Variants in AIG1 observed in about 807,000 individuals in gnomAD.
AIG1 encodes the protein androgen-induced gene 1 protein.
In AIG1, 23 loss-of-function variants were observed where a neutral mutation model predicts 31.4. The observed-to-expected ratio is 0.73, with a 90% confidence interval of 0.53 to 1.04. AIG1 has a LOEUF of 1.04. Among genes scored for constraint, AIG1 ranks in the 50% least tolerant of loss-of-function variants. The probability of loss-of-function intolerance (pLI) is 0.00; values close to 1 mark genes in which losing one functional copy is unlikely to be tolerated. For missense variants in AIG1, 274 were observed against 295.0 expected, an observed-to-expected ratio of 0.93 and a Z score of 0.52; for synonymous variants, 100 against 110.5, an observed-to-expected ratio of 0.90 and a Z score of 0.60.
Position 143,066,692 on chromosome 6 carries a change from G to C in AIG1, c.141+5626G>C, listed in dbSNP as rs7757364. On this transcript the variant is annotated intron_variant, in intron 1 of 5. Coordinates refer to ENST00000357847, the MANE Select transcript of AIG1 (RefSeq NM_016108.4). ...GATATGTTTCAGATACGAGAGATGG[G>C]TTAGTTATTGCTATTGAGAAACAAA... 2.8e-3 allele frequency among the ~76,000 whole-genome samples: 430 copies of C among 152,266 alleles called. 1 individual carries two copies. Among genetic ancestry groups the C allele is most frequent in the African/African-American group, 0.01 (418 of 41,550 alleles).
intron 3 of AIG1, among the ~76,000 whole-genome samples, chr6:143,204,459 G>A (rs184159971): frequency 6.6e-6 from 1 of 152,180 alleles, no homozygotes; most frequent in African/African-American, 2.4e-5. Flanking sequence ...GCCTCTTAGG[G>A]TAGTCTGACT....
At position 143,237,034 on chromosome 6, in the gene AIG1, A is replaced by T. The variant is rs113113893; in HGVS notation, c.400-47076A>T. 6.4e-3 allele frequency among the ~76,000 whole-genome samples: 978 copies of T among 152,322 alleles called. 12 individuals carry two copies. Among genetic ancestry groups the T allele is most frequent in the Non-Finnish European group, 7.3e-3 (497 of 68,034 alleles). On this transcript the variant is annotated intron_variant, in intron 3 of 5. Coordinates refer to ENST00000357847, the MANE Select transcript of AIG1 (RefSeq NM_016108.4). ...GGGGCTCAGACAAGTTAAATAACTTACAATGAGTATGCTACCGGTAAGCAA... is the reference window on the plus strand; with the variant it reads ...GGGGCTCAGACAAGTTAAATAACTTTCAATGAGTATGCTACCGGTAAGCAA...
intron 3 of AIG1, among the ~76,000 whole-genome samples, chr6:143,220,579 A>G (rs1792405201): frequency 6.6e-6 from 1 of 152,176 alleles, no homozygotes; most frequent in Non-Finnish European, 1.5e-5. Flanking sequence ...TTCAAACTCA[A>G]GTTTGACCTA....
chr6:143,248,322 A>G (rs1300104422), intron 3 of AIG1, among the ~76,000 whole-genome samples: 2 of 152,216 alleles, frequency 1.3e-5, no homozygotes, highest in Non-Finnish European at 2.9e-5. Context: ...GTCACAATGG[A>G]ACACATAAGG....
intron 3 of AIG1, among the ~76,000 whole-genome samples, chr6:143,241,346 C>CTTTTG (rs921215406): frequency 1.3e-5 from 2 of 152,216 alleles, no homozygotes; most frequent in African/African-American, 4.8e-5. Context: ...GCGTGGAGCC[C>CTTTTG]TTTTGCCCCT....
chr6:143,263,971 T>C (rs1795980280), intron 3 of AIG1, among the ~76,000 whole-genome samples: 1 of 152,234 alleles, frequency 6.6e-6, no homozygotes. Flanking sequence ...GGAATCGAAC[T>C]ATAGTCCTTG....
In AIG1 at chr6:143,060,910, C is replaced by T. The variant is rs775913146; in HGVS notation, c.-16C>T. The T allele has an allele frequency of 3.0e-5, 48 of 1,592,868 alleles. No individual in the cohort carries two copies. In the African/African-American group the frequency reaches 5.9e-4, roughly 20 times the overall value. The stretch of plus-strand genomic sequence containing the variant: ...CGCCCTCCTTGCCGCCCAGCCGGTC[C>T]AGGCCTCTGGCGAACATGGCGCTTG... On this transcript the variant is annotated 5_prime_UTR_variant, in exon 1 of 6. Coordinates refer to ENST00000357847, the MANE Select transcript of AIG1 (RefSeq NM_016108.4).
chr6:143,060,360 C>T (rs1032071772), upstream of AIG1: 3 of 172,848 alleles, frequency 1.7e-5, no homozygotes, highest in Non-Finnish European at 3.9e-5. Flanking sequence ...CCACCGGATC[C>T]CTCCGCACGG....
In AIG1 at chr6:143,244,065, G is replaced by C. The variant is rs151306997; in HGVS notation, c.400-40045G>C. Among the ~76,000 whole-genome samples the C allele has an allele frequency of 3.3e-4, 51 of 152,304 alleles. No individual in the cohort carries two copies. In the East Asian group the frequency reaches 9.1e-3, roughly 27 times the overall value. On this transcript the variant is annotated intron_variant, in intron 3 of 5. Transcript: ENST00000357847. ...GCAAAGATGAGTACACATGACACCT[G>C]CCCTCAAATAGCTGGCAGATTATTG... is the stretch of plus-strand genomic sequence containing the variant.
Position 143,155,078 on chromosome 6 carries a change from C to T in AIG1, c.298-10004C>T, listed in dbSNP as rs963602522. Among the ~76,000 whole-genome samples, 5 of 149,300 alleles carry T rather than the reference C, an allele frequency of 3.3e-5. No homozygotes were observed. The South Asian group carries it at 6.3e-4, about 19-fold the overall frequency. Reference sequence around the variant, plus strand: ...TTCGCCATGTTGGCCAAGCTGGTCTCGAACTTCTGGCCTCAAATGATCCAC... The same window carrying T: ...TTCGCCATGTTGGCCAAGCTGGTCTTGAACTTCTGGCCTCAAATGATCCAC... On this transcript the variant is annotated intron_variant, in intron 2 of 5. Coordinates refer to ENST00000357847, the MANE Select transcript of AIG1 (RefSeq NM_016108.4).
rs1208938346 is a variant in AIG1 at position 143,330,748 on chromosome 6, A to G, written c.516-2534A>G. 6.6e-6 allele frequency among the ~76,000 whole-genome samples: 1 copy of G among 152,200 alleles called. No homozygotes were observed. Among genetic ancestry groups the G allele is most frequent in the East Asian group, 1.9e-4 (1 of 5,202 alleles). ...TTTTATAAGTTGATTTGCAACATCA[A>G]TTACAGCTTAATGGTGTTAAATTGG... On this transcript the variant is annotated intron_variant, in intron 4 of 5. Transcript: ENST00000357847. The surrounding 1 kb of genome is among the most constrained non-coding windows in gnomAD (Gnocchi z 4.4).
At chr6:143,188,992 C>G (rs187615784) in intron 3 of AIG1, 61 of 984,664 alleles carry the variant, frequency 6.2e-5, no homozygotes, top group Non-Finnish European at 7.2e-5. Context: ...AGATAAAAGT[C>G]AAAGTTATAG....
At chr6:143,211,612 G>A (rs1315275175) in intron 3 of AIG1, among the ~76,000 whole-genome samples, 1 of 152,164 alleles carries the variant, frequency 6.6e-6, no homozygotes, top group East Asian at 1.9e-4. Context: ...CCAACAATTG[G>A]CCAGGTGTGG....
chr6:143,271,136 A>T (rs552354935), intron 3 of AIG1, among the ~76,000 whole-genome samples: 3 of 152,338 alleles, frequency 2.0e-5, no homozygotes, highest in Admixed American at 2.0e-4. Flanking sequence ...GTGTTTGCAG[A>T]TGTCAGTGCA....
intron 4 of AIG1, among the ~76,000 whole-genome samples, chr6:143,313,633 T>C (rs777618102): frequency 2.0e-4 from 31 of 151,996 alleles, no homozygotes; most frequent in Non-Finnish European, 4.3e-4. Context: ...TAAGATCTAG[T>C]ATTTGATATC....
intron 1 of AIG1, among the ~76,000 whole-genome samples, chr6:143,064,768 T>G (rs1243405775): frequency 6.6e-6 from 1 of 152,248 alleles, no homozygotes; most frequent in East Asian, 1.9e-4. Flanking sequence ...GACATACATA[T>G]GTGTAACAGT....
At chr6:143,157,128 C>T (rs1029184456) in intron 2 of AIG1, among the ~76,000 whole-genome samples, 2 of 152,152 alleles carry the variant, frequency 1.3e-5, no homozygotes, top group African/African-American at 4.8e-5. Flanking sequence ...ATGATTATCT[C>T]AATGTGAAAA....
At chr6:143,087,357 C>T (rs1355602706) in intron 1 of AIG1, among the ~76,000 whole-genome samples, 1 of 152,188 alleles carries the variant, frequency 6.6e-6, no homozygotes, top group Non-Finnish European at 1.5e-5. Flanking sequence ...TGTTGTAGCT[C>T]TATTAGAAGC....
At chr6:143,189,945 G>T (rs1789634322) in intron 3 of AIG1, 1 of 616,500 alleles carries the variant, frequency 1.6e-6, no homozygotes, top group South Asian at 7.2e-5. Flanking sequence ...AGCATGGTTG[G>T]GTTCTGATGA....
Sources: gnomAD v4.1 joint callset for allele counts (sites outside exome capture counted in the v4.1 genomes callset) on GRCh38, gnomAD v4.1.1 for gene constraint, Gnocchi (gnomAD v3.1) non-coding constraint, MANE v1.5 for transcripts, NCBI Gene and HGNC (gene_info 2026-07-23, HGNC 2026-07-21) for gene names.